The following IL1RAPL2 variants were observed in gnomAD, a reference collection of about 807,000 sequenced individuals.
IL1RAPL2 encodes the protein X-linked interleukin-1 receptor accessory protein-like 2.
In IL1RAPL2, 3 loss-of-function variants were observed where a neutral mutation model predicts 44.1. That is an observed-to-expected ratio of 0.07 (90% CI 0.03 to 0.18). IL1RAPL2 has a LOEUF of 0.18. Among genes scored for constraint, IL1RAPL2 ranks in the 10% least tolerant of loss-of-function variants. The probability of loss-of-function intolerance (pLI) is 1.00; values close to 1 mark genes in which losing one functional copy is unlikely to be tolerated. For synonymous variants in IL1RAPL2, 181 were observed against 178.8 expected (o/e 1.01, Z -0.10); for missense variants, 391 against 496.4 (o/e 0.79, Z 2.02).
At chrX:105,335,210 C>G (rs755841066) in intron 5 of IL1RAPL2, among the ~76,000 whole-genome samples, 16 of 111,382 alleles carry the variant, frequency 1.4e-4, no homozygotes, top group Non-Finnish European at 3.0e-4. Context: ...TGCCCTTGTC[C>G]TTTATCTTGG....
chrX:104,578,719 C>A (rs1161279573), intron 1 of IL1RAPL2, among the ~76,000 whole-genome samples: 1 of 111,206 alleles, frequency 9.0e-6, no homozygotes, highest in Admixed American at 9.6e-5. Flanking sequence ...GAGGGATGTT[C>A]CAGGAAAATT....
chrX:104,577,680 G>T (rs193169624), intron 1 of IL1RAPL2, among the ~76,000 whole-genome samples: 462 of 110,900 alleles, frequency 4.2e-3, no homozygotes, highest in South Asian at 0.037. Flanking sequence ...GGTGGTCGGG[G>T]TCTGTATGAG....
intron 2 of IL1RAPL2, among the ~76,000 whole-genome samples, chrX:105,032,020 G>C (rs1049531026): frequency 1.8e-5 from 2 of 111,561 alleles, no homozygotes; most frequent in African/African-American, 6.5e-5. Context: ...GCGTAGAGGT[G>C]TTTGTAGTAT....
intron 2 of IL1RAPL2, among the ~76,000 whole-genome samples, chrX:104,735,575 G>A (rs1204468768): frequency 9.0e-6 from 1 of 111,399 alleles, no homozygotes; most frequent in Non-Finnish European, 1.9e-5. Context: ...CTTCTTTAAT[G>A]GGGAAAAAGA....
chrX:105,140,290 A>G (rs1357685291), intron 2 of IL1RAPL2, among the ~76,000 whole-genome samples: 1 of 112,330 alleles, frequency 8.9e-6, no homozygotes, highest in Non-Finnish European at 1.9e-5. Context: ...GCCCAATGAC[A>G]TATGCTGAGA....
At chrX:104,649,456 CT>C (rs1322561140) in intron 1 of IL1RAPL2, among the ~76,000 whole-genome samples, 106 of 111,489 alleles carry the variant, frequency 9.5e-4, no homozygotes, top group African/African-American at 3.2e-3. Flanking sequence ...TCTCTGTTTT[CT>C]GATTGAATAG....
chrX:104,658,608 G>T (rs1360151532), intron 1 of IL1RAPL2, among the ~76,000 whole-genome samples: 5 of 112,209 alleles, frequency 4.5e-5, no homozygotes, highest in Non-Finnish European at 7.5e-5. Flanking sequence ...AGAACTTAAA[G>T]TATAATAAAA....
chrX:104,761,930 CTTCTTCTTCTTCTTCTT>C (rs1932458257), intron 2 of IL1RAPL2, among the ~76,000 whole-genome samples: 3 of 38,357 alleles, frequency 7.8e-5, no homozygotes, highest in African/African-American at 3.1e-4. Flanking sequence ...TCTCCTTCTT[CTTCTTCTTCTTCTTCTT>C]CTTCTTCTTC....
chrX:105,182,872 A>G (rs151320601), intron 2 of IL1RAPL2, among the ~76,000 whole-genome samples: 2 of 111,309 alleles, frequency 1.8e-5, no homozygotes, highest in Admixed American at 9.6e-5. Flanking sequence ...AGCACTCACT[A>G]TTGTTAGCAA....
chrX:105,517,532 G>A (rs1316264998), intron 6 of IL1RAPL2, among the ~76,000 whole-genome samples: 3 of 111,235 alleles, frequency 2.7e-5, no homozygotes, highest in Non-Finnish European at 5.7e-5. Flanking sequence ...ACACCAATGT[G>A]TCTGTGTTCA....
intron 2 of IL1RAPL2, among the ~76,000 whole-genome samples, chrX:104,977,130 A>G (rs2030353987): frequency 8.9e-6 from 1 of 111,787 alleles, no homozygotes; most frequent in Non-Finnish European, 1.9e-5. Flanking sequence ...ACACTCACCC[A>G]TTCACAGTAG....
chrX:105,580,187 G>A (rs958600597), intron 6 of IL1RAPL2, among the ~76,000 whole-genome samples: 4 of 111,084 alleles, frequency 3.6e-5, no homozygotes, highest in African/African-American at 9.8e-5. Flanking sequence ...GCCCCAAATC[G>A]CACATTTGCA....
intron 2 of IL1RAPL2, among the ~76,000 whole-genome samples, chrX:104,991,233 AG>A (rs1428073978): frequency 9.0e-6 from 1 of 111,702 alleles, no homozygotes; most frequent in Admixed American, 9.5e-5. Context: ...GTAATACATT[AG>A]TACATTTAAG....
At chrX:104,669,900 A>G (rs771627051) in intron 2 of IL1RAPL2, among the ~76,000 whole-genome samples, 6 of 111,623 alleles carry the variant, frequency 5.4e-5, no homozygotes, top group Admixed American at 4.8e-4. Context: ...TTATCATTCT[A>G]TTTGGGCCAG....
intron 2 of IL1RAPL2, among the ~76,000 whole-genome samples, chrX:104,976,318 A>G (rs1299963436): frequency 2.7e-5 from 3 of 111,740 alleles, no homozygotes; most frequent in Non-Finnish European, 5.6e-5. Context: ...AATGAGAAAA[A>G]AAACAACTGG....
chrX:105,688,228 C>G (rs1415795911), intron 6 of IL1RAPL2, among the ~76,000 whole-genome samples: 3 of 111,611 alleles, frequency 2.7e-5, no homozygotes, highest in Non-Finnish European at 1.9e-5. Context: ...CAAGGGCAAT[C>G]AGGCAAGAGA....
At chrX:105,127,565 G>A (rs776259302) in intron 2 of IL1RAPL2, among the ~76,000 whole-genome samples, 1 of 110,628 alleles carries the variant, frequency 9.0e-6, no homozygotes, top group South Asian at 3.8e-4. Context: ...TACACTTAAA[G>A]GAACAAACTG....
intron 2 of IL1RAPL2, among the ~76,000 whole-genome samples, chrX:104,995,875 A>G (rs897301696): frequency 5.4e-5 from 6 of 111,716 alleles, no homozygotes; most frequent in Non-Finnish European, 9.4e-5. Flanking sequence ...AGCAACCTGC[A>G]GGGTTCCAAA....
intron 5 of IL1RAPL2, among the ~76,000 whole-genome samples, chrX:105,311,071 T>C (rs1251110741): frequency 9.0e-6 from 1 of 111,431 alleles, no homozygotes; most frequent in African/African-American, 3.3e-5. Flanking sequence ...CAAAATGTCC[T>C]TCTTTATCTT....
Sources: allele counts gnomAD v4.1 joint callset (sites outside exome capture counted in the v4.1 genomes callset), GRCh38; gene constraint gnomAD v4.1.1; transcripts MANE v1.5; gene names NCBI Gene and HGNC (gene_info 2026-07-23, HGNC 2026-07-21).